Variants in IQSEC3 observed in about 807,000 individuals in gnomAD.
The protein encoded by IQSEC3 is IQ motif and SEC7 domain-containing protein 3.
Under a neutral mutation model 105.4 loss-of-function variants are expected in IQSEC3, and 50 were observed. The observed-to-expected ratio is 0.47, with a 90% CI of 0.38 to 0.60. The LOEUF (loss-of-function observed/expected upper bound fraction) is 0.60. Ranked by LOEUF, IQSEC3 falls within the 20% of genes least tolerant of loss-of-function variation. The pLI, the probability that IQSEC3 is intolerant of heterozygous loss-of-function variation, is 0.00. For synonymous variants in IQSEC3, 708 were observed against 746.0 expected (o/e 0.95, Z 0.83); for missense variants, 1,415 against 1,630.0 (o/e 0.87, Z 2.27).
chr12:163,661 CCTCT>C, intron 9 of IQSEC3, 42 bp downstream of exon 9: 1 of 1,121,138 alleles, frequency 8.9e-7, no homozygotes, highest in Non-Finnish European at 1.4e-6. Flanking sequence ...GCTGGGGCTG[CCTCT>C]GCCGCCCTGG....
intron 3 of IQSEC3, among the ~76,000 whole-genome samples, chr12:133,308 G>A (rs1865657738): frequency 6.6e-6 from 1 of 152,258 alleles, no homozygotes; most frequent in Admixed American, 6.5e-5. Flanking sequence ...GAGACTGGCA[G>A]TGGCACCCAT....
chr12:141,882 G>C (rs1470008701), intron 5 of IQSEC3: 3 of 152,338 alleles, frequency 2.0e-5, no homozygotes, highest in Non-Finnish European at 4.4e-5. Flanking sequence ...GACCCCCAGG[G>C]GGCTGCCTTT....
chr12:110,320 A>G (rs782570267), intron 2 of IQSEC3, among the ~76,000 whole-genome samples: 1 of 151,974 alleles, frequency 6.6e-6, no homozygotes, highest in Non-Finnish European at 1.5e-5. Context: ...ACTAAGTCCT[A>G]AAAGGCCTTG....
intron 5 of IQSEC3, 184 bp downstream of exon 5, chr12:141,469 C>T (rs568820696): frequency 1.7e-4 from 101 of 600,758 alleles, no homozygotes; most frequent in African/African-American, 1.5e-3. Context: ...CCCTGTCTCC[C>T]GTCAGAGTCA....
At chr12:102,823 T>TG (rs1282701575) in intron 2 of IQSEC3, among the ~76,000 whole-genome samples, 1 of 152,156 alleles carries the variant, frequency 6.6e-6, no homozygotes, top group African/African-American at 2.4e-5. Context: ...GTCAGCGATC[T>TG]GGAGTACAGT....
chr12:125,133 A>G (rs1865343861), intron 2 of IQSEC3, among the ~76,000 whole-genome samples: 1 of 152,152 alleles, frequency 6.6e-6, no homozygotes, highest in African/African-American at 2.4e-5. Context: ...GCCTGTGCCC[A>G]AGGAGCCGGG....
chr12:117,310 G>C (rs1555080857), intron 2 of IQSEC3, among the ~76,000 whole-genome samples: 1 of 152,210 alleles, frequency 6.6e-6, no homozygotes, highest in African/African-American at 2.4e-5. Context: ...TTGGGAAGCG[G>C]GCAGGGAGGA....
chr12:85,000 C>T (rs1190814566), intron 1 of IQSEC3, among the ~76,000 whole-genome samples: 5 of 152,100 alleles, frequency 3.3e-5, no homozygotes, highest in South Asian at 2.1e-4. Context: ...CTCGGGAGGT[C>T]GTCAAACCTC....
chr12:97,875 C>A (rs532136007), intron 1 of IQSEC3, among the ~76,000 whole-genome samples: 2 of 152,212 alleles, frequency 1.3e-5, no homozygotes, highest in African/African-American at 4.8e-5. Flanking sequence ...CACTTCCTGT[C>A]TACACTCTCA....
At chr12:125,446 T>C (rs143570802) in intron 2 of IQSEC3, among the ~76,000 whole-genome samples, 187 bp from the exon 3 acceptor site, 1 of 151,938 alleles carries the variant, frequency 6.6e-6, no homozygotes, top group Non-Finnish European at 1.5e-5. Flanking sequence ...TGCGGGTTCT[T>C]CTCCGTGCCC....
chr12:128,866 TC>T (rs1555084248), intron 3 of IQSEC3, among the ~76,000 whole-genome samples: 3 of 152,172 alleles, frequency 2.0e-5, no homozygotes, highest in African/African-American at 7.2e-5. Flanking sequence ...CGGGAAAGCC[TC>T]TGATGGCTCC....
At chr12:169,146 G>T (rs371820825) in intron 12 of IQSEC3, 41 bp downstream of exon 12, 44 of 1,542,092 alleles carry the variant, frequency 2.9e-5, no homozygotes, top group Non-Finnish European at 3.7e-5. Flanking sequence ...CCCCATGGAG[G>T]CCACTCGGGG....
At chr12:98,083 AGAT>A (rs1864295110) in intron 1 of IQSEC3, among the ~76,000 whole-genome samples, 1 of 152,234 alleles carries the variant, frequency 6.6e-6, no homozygotes. Flanking sequence ...AATCCCTTTC[AGAT>A]GATCTCTGGG....
intron 1 of IQSEC3, among the ~76,000 whole-genome samples, chr12:98,415 G>C (rs1864307792): frequency 6.6e-6 from 1 of 152,222 alleles, no homozygotes; most frequent in African/African-American, 2.4e-5. Flanking sequence ...CTAGGCATGA[G>C]TCGTTTTAAA....
chr12:97,900 C>G (rs1192842410), intron 1 of IQSEC3, among the ~76,000 whole-genome samples: 1 of 152,230 alleles, frequency 6.6e-6, no homozygotes, highest in East Asian at 1.9e-4. Flanking sequence ...CTGTGGGCCC[C>G]CAACACGTGC....
chr12:99,119 T>C, intron 1 of IQSEC3, 27 bp from the exon 2 acceptor site: 1 of 1,590,384 alleles, frequency 6.3e-7, no homozygotes, highest in South Asian at 1.1e-5. Context: ...CCTCAGGCGC[T>C]CTGATCTCCC....
At chr12:76,300 G>T (rs1209052996) in intron 1 of IQSEC3, among the ~76,000 whole-genome samples, 1 of 152,272 alleles carries the variant, frequency 6.6e-6, no homozygotes, top group Non-Finnish European at 1.5e-5. Context: ...GGCAGGATCA[G>T]CTGTGTTCAG....
chr12:149,256 G>C (rs531710419), intron 5 of IQSEC3: 3 of 152,402 alleles, frequency 2.0e-5, no homozygotes, highest in South Asian at 2.1e-4. Context: ...ATGCCTGGCT[G>C]GAAGCGGTCT....
chr12:94,690 A>G (rs186018092), intron 1 of IQSEC3, among the ~76,000 whole-genome samples: 1 of 152,236 alleles, frequency 6.6e-6, no homozygotes, highest in Non-Finnish European at 1.5e-5. Context: ...GGGACCTGGG[A>G]GGACCAGCAG....
Sources: gnomAD v4.1 joint callset for allele counts (sites outside exome capture counted in the v4.1 genomes callset) on GRCh38, gnomAD v4.1.1 for gene constraint, MANE v1.5 for transcripts, NCBI Gene and HGNC (gene_info 2026-07-23, HGNC 2026-07-21) for gene names.